The following HECW2 variants were observed in gnomAD, a reference collection of about 807,000 sequenced individuals.
HECW2 encodes E3 ubiquitin-protein ligase HECW2.
HECW2 carries 61 observed loss-of-function variants against 175.2 expected under a neutral mutation model. The ratio of observed to expected loss-of-function variants is 0.35; its 90% confidence interval spans 0.28 to 0.43. HECW2 has a LOEUF of 0.43. HECW2 is among the 20% of genes least tolerant of loss of function. HECW2 has a pLI of 1.00. For missense variants in HECW2, 1,524 were observed against 2,000.5 expected (o/e 0.76, Z 4.54); for synonymous variants, 671 against 731.0 (o/e 0.92, Z 1.32).
At chr2:196,227,129 C>A (rs1477523105) in intron 22 of HECW2, among the ~76,000 whole-genome samples, 2 of 152,138 alleles carry the variant, frequency 1.3e-5, no homozygotes, top group Non-Finnish European at 2.9e-5. Context: ...TTTAGCACAA[C>A]TGTAATAGTC....
chr2:196,468,639 C>T (rs1192603645), intron 1 of HECW2, among the ~76,000 whole-genome samples: 3 of 152,196 alleles, frequency 2.0e-5, no homozygotes, highest in Admixed American at 1.3e-4. Flanking sequence ...TGGCAATTCT[C>T]TAAACTATTC....
At chr2:196,578,242 G>C (rs553137663) in intron 1 of HECW2, among the ~76,000 whole-genome samples, 1 of 152,090 alleles carries the variant, frequency 6.6e-6, no homozygotes, top group Admixed American at 6.6e-5. Context: ...CACTAGAGGG[G>C]TTCAATAGTA....
intron 1 of HECW2, among the ~76,000 whole-genome samples, chr2:196,534,728 G>A (rs992167147): frequency 2.0e-5 from 3 of 152,058 alleles, no homozygotes; most frequent in Non-Finnish European, 4.4e-5. Context: ...CGCCTGCCCC[G>A]GCCTCAGAAA....
At chr2:196,561,369 T>C (rs749906368) in intron 1 of HECW2, among the ~76,000 whole-genome samples, 1 of 152,206 alleles carries the variant, frequency 6.6e-6, no homozygotes, top group African/African-American at 2.4e-5. Context: ...TCAATGACAA[T>C]GCGTGCACAG....
At chr2:196,475,363 AAG>A (rs1021384974) in intron 1 of HECW2, among the ~76,000 whole-genome samples, 1 of 146,532 alleles carries the variant, frequency 6.8e-6, no homozygotes, top group Non-Finnish European at 1.5e-5. Context: ...GCGCAAAGGG[AAG>A]AGGGGAGATA....
chr2:196,274,376 A>G, intron 15 of HECW2, among the ~76,000 whole-genome samples: 1 of 152,220 alleles, frequency 6.6e-6, no homozygotes, highest in East Asian at 1.9e-4. Context: ...ACCAAGTGGC[A>G]CAGAAGTAGT....
chr2:196,507,264 A>C (rs1392643237), intron 1 of HECW2, among the ~76,000 whole-genome samples: 1 of 152,272 alleles, frequency 6.6e-6, no homozygotes, highest in African/African-American at 2.4e-5. Flanking sequence ...TAGACTACGG[A>C]GCATATTCAA....
chr2:196,267,691 G>C (rs1319666619), intron 17 of HECW2, among the ~76,000 whole-genome samples: 1 of 152,208 alleles, frequency 6.6e-6, no homozygotes, highest in Non-Finnish European at 1.5e-5. Context: ...CACCAGTGAA[G>C]TCTCAGGGAA....
intron 14 of HECW2, chr2:196,289,822 A>G (rs1338266561): frequency 1.3e-5 from 2 of 152,212 alleles, no homozygotes; most frequent in East Asian, 3.8e-4. Context: ...TGCAGCCCAA[A>G]GCAGAGTAGC....
chr2:196,335,361 G>A lies in HECW2; in HGVS notation c.401-843C>T, dbSNP rs776788879. Among the ~76,000 whole-genome samples the A allele has an allele frequency of 1.2e-4, 18 of 152,292 alleles. No homozygotes were observed. In the East Asian group the frequency reaches 1.3e-3, roughly 11 times the overall value. The stretch of plus-strand genomic sequence containing the variant: ...ACTGGAATTTCTCTGTATACAAAGC[G>A]TCTGAGTCACTGAAGTGTCACTGCG... On this transcript the variant is annotated intron_variant, in intron 3 of 28. Coordinates refer to ENST00000644978, the MANE Select transcript of HECW2 (RefSeq NM_001348768.2).
At chr2:196,452,704 G>A (rs911033134) in intron 1 of HECW2, among the ~76,000 whole-genome samples, 1 of 151,794 alleles carries the variant, frequency 6.6e-6, no homozygotes, top group Non-Finnish European at 1.5e-5. Flanking sequence ...GGAGGGTGGT[G>A]GAGGGATCAT....
intron 1 of HECW2, among the ~76,000 whole-genome samples, chr2:196,553,924 G>T (rs1689692875): frequency 6.6e-6 from 1 of 152,210 alleles, no homozygotes; most frequent in Admixed American, 6.5e-5. Flanking sequence ...TCTTCAGTCA[G>T]TAAACTTGAC....
intron 19 of HECW2, among the ~76,000 whole-genome samples, chr2:196,253,007 T>G (rs907519494): frequency 1.3e-5 from 2 of 152,234 alleles, no homozygotes; most frequent in Non-Finnish European, 2.9e-5. Context: ...GTATTATTCA[T>G]CTCTGTAGTC....
chr2:196,433,078 A>C, intron 2 of HECW2, 54 bp downstream of exon 2: 1 of 1,498,322 alleles, frequency 6.7e-7, no homozygotes, highest in South Asian at 1.3e-5. Flanking sequence ...AAAAATGTCA[A>C]ACTAAAAACT....
intron 2 of HECW2, among the ~76,000 whole-genome samples, chr2:196,430,576 TAA>T (rs778892191): frequency 1.2e-4 from 19 of 152,090 alleles, no homozygotes; most frequent in Non-Finnish European, 1.9e-4. Context: ...AGAAATCTCA[TAA>T]GAGAAATGAA....
In HECW2 at chr2:196,217,109, TA is replaced by T; in HGVS notation, c.4409-17del. On this transcript the variant is annotated splice_polypyrimidine_tract_variant and intron_variant, in intron 26 of 28. Transcript: ENST00000644978. ...TCATGGTATCCTATCAAACCAATCA[TA>T]AAAGCCCATGTTACTTTGACTCTTC... 1.3e-6 allele frequency: 2 copies of T among 1,589,776 alleles called. No individual in the cohort carries two copies. Among genetic ancestry groups the T allele is most frequent in the Admixed American group, 1.8e-5 (1 of 56,884 alleles).
At chr2:196,253,668 TA>T (rs1688942352) in intron 19 of HECW2, among the ~76,000 whole-genome samples, 1 of 152,236 alleles carries the variant, frequency 6.6e-6, no homozygotes, top group Non-Finnish European at 1.5e-5. Flanking sequence ...TTGTATGATA[TA>T]ACATCATGAA....
At chr2:196,260,324 C>T (rs1432308823) in intron 17 of HECW2, 3 of 152,192 alleles carry the variant, frequency 2.0e-5, no homozygotes, top group Admixed American at 1.3e-4. Flanking sequence ...GGGTCATATG[C>T]TTTCAGGAAC....
intron 18 of HECW2, among the ~76,000 whole-genome samples, chr2:196,256,534 G>A (rs1031755348): frequency 6.6e-6 from 1 of 152,130 alleles, no homozygotes; most frequent in Non-Finnish European, 1.5e-5. Flanking sequence ...ACTATGGATA[G>A]GTGAATGATA....
Sources: allele counts gnomAD v4.1 joint callset (sites outside exome capture counted in the v4.1 genomes callset), GRCh38; gene constraint gnomAD v4.1.1; transcripts MANE v1.5; gene names NCBI Gene and HGNC (gene_info 2026-07-23, HGNC 2026-07-21).